The following DDX60 variants were observed in gnomAD, a reference collection of about 807,000 sequenced individuals.
The protein encoded by DDX60 is DExD/H-box helicase 60.
In DDX60, 165 loss-of-function variants were observed where a neutral mutation model predicts 212.8. That is an observed-to-expected ratio of 0.78 (90% CI 0.68 to 0.88). The LOEUF (loss-of-function observed/expected upper bound fraction) is 0.88. Ranked by LOEUF, DDX60 falls within the 40% of genes least tolerant of loss-of-function variation. DDX60 has a pLI of 0.00. For missense variants in DDX60, 1,905 were observed against 2,003.9 expected, an observed-to-expected ratio of 0.95 and a Z score of 0.94; for synonymous variants, 703 against 685.3, an observed-to-expected ratio of 1.03 and a Z score of -0.40.
upstream of DDX60, among the ~76,000 whole-genome samples, chr4:168,320,960 CA>C (rs1292085224): frequency 8.5e-5 from 13 of 152,136 alleles, no homozygotes; most frequent in African/African-American, 3.1e-4. Flanking sequence ...GAAAGTGTTT[CA>C]GCTAGTGGAC....
chr4:168,285,969 TGAAAGAAAGAAAGAAA>T (rs149956197), intron 10 of DDX60, among the ~76,000 whole-genome samples: 3,994 of 110,942 alleles, frequency 0.036, 123 homozygotes, highest in African/African-American at 0.085. Flanking sequence ...AAGGAAAGAA[TGAAAGAAAGAAAGAAA>T]GAAAGAAAGA....
intron 16 of DDX60, 65 bp downstream of exon 16, chr4:168,275,280 G>A (rs1186234397): frequency 4.3e-6 from 6 of 1,387,520 alleles, no homozygotes; most frequent in African/African-American, 2.9e-5. Context: ...CCACAATAAT[G>A]AGAAACCTCT....
intron 35 of DDX60, among the ~76,000 whole-genome samples, chr4:168,223,475 C>A (rs1278184689): frequency 1.3e-5 from 2 of 151,918 alleles, no homozygotes; most frequent in African/African-American, 4.8e-5. Context: ...AAAAAGTTTT[C>A]CTGACTTGTT....
At chr4:168,305,626 ATATAT>A (rs1362545125) in intron 5 of DDX60, among the ~76,000 whole-genome samples, 5 of 148,744 alleles carry the variant, frequency 3.4e-5, no homozygotes, top group Non-Finnish European at 7.4e-5. Context: ...AATTTCTATT[ATATAT>A]TATATTATTA....
chr4:168,303,302 CAAA>C (rs35768208), intron 5 of DDX60, among the ~76,000 whole-genome samples: 2 of 99,722 alleles, frequency 2.0e-5, no homozygotes. Context: ...ACTCTGTCTC[CAAA>C]AAAAAAAAAA....
At chr4:168,325,310 T>C in the DDX60 span, among the ~76,000 whole-genome samples, 4 of 152,372 alleles carry the variant, frequency 2.6e-5, no homozygotes, top group East Asian at 1.9e-4. Context: ...CCAGCTACAA[T>C]AGGTTTCTAC....
At chr4:168,308,317 G>A (rs952875637) in intron 3 of DDX60, 122 bp from the exon 4 acceptor site, 1 of 617,892 alleles carries the variant, frequency 1.6e-6, no homozygotes, top group Admixed American at 3.3e-5. Flanking sequence ...GTTGTCTCAT[G>A]GCAGTGTCTA....
chr4:168,235,950 A>G, intron 33 of DDX60: 1 of 280,358 alleles, frequency 3.6e-6, no homozygotes, highest in Non-Finnish European at 6.7e-6. Context: ...GTTTCACTTA[A>G]TGTATAATTA....
chr4:168,257,935 T>A (rs1734478821), intron 25 of DDX60, among the ~76,000 whole-genome samples: 1 of 152,202 alleles, frequency 6.6e-6, no homozygotes, highest in African/African-American at 2.4e-5. Flanking sequence ...TGGCATCAAT[T>A]TATCGGTGGA....
At chr4:168,317,119 C>G (rs1737428843) in intron 1 of DDX60, among the ~76,000 whole-genome samples, 1 of 149,602 alleles carries the variant, frequency 6.7e-6, no homozygotes, top group African/African-American at 2.5e-5. Context: ...GATCAAAACG[C>G]TAGTAGTAAT....
chr4:168,286,414 ACAC>A (rs1735853526), intron 10 of DDX60, among the ~76,000 whole-genome samples: 2 of 119,852 alleles, frequency 1.7e-5, no homozygotes, highest in Non-Finnish European at 3.4e-5. Flanking sequence ...ACACACACAC[ACAC>A]CACACGAGAT....
At chr4:168,255,381 CTAAG>C (rs1278274328) in intron 26 of DDX60, among the ~76,000 whole-genome samples, 1 of 152,128 alleles carries the variant, frequency 6.6e-6, no homozygotes, top group Non-Finnish European at 1.5e-5. Flanking sequence ...CTTCTGAGAA[CTAAG>C]TGATAGCCAG....
intron 29 of DDX60, 132 bp from the exon 30 acceptor site, chr4:168,246,750 T>C: frequency 1.1e-6 from 1 of 896,852 alleles, no homozygotes. Context: ...GAACGGACAC[T>C]AACATGCAAC....
the DDX60 span, among the ~76,000 whole-genome samples, chr4:168,324,503 C>A: frequency 6.6e-6 from 1 of 152,064 alleles, no homozygotes; most frequent in Non-Finnish European, 1.5e-5. Flanking sequence ...TTGGAGGGGG[C>A]CCTGTTTAAG....
chr4:168,307,151 T>C (rs560558724), intron 4 of DDX60, among the ~76,000 whole-genome samples: 2 of 152,102 alleles, frequency 1.3e-5, no homozygotes, highest in East Asian at 3.9e-4. Context: ...ATAACAAAAT[T>C]GGGGCAACCA....
At chr4:168,277,585 C>T (rs572091) in intron 14 of DDX60, among the ~76,000 whole-genome samples, 8,588 of 152,042 alleles carry the variant, frequency 0.056, 574 homozygotes, top group African/African-American at 0.16. Context: ...CACCCGTAAT[C>T]CCAGCACTTT....
Position 168,248,061 on chromosome 4 carries a change from C to T in DDX60, c.3963+127G>A, listed in dbSNP as rs966203293. The T allele has an allele frequency of 7.2e-6, 4 of 556,756 alleles. No individual in the cohort carries two copies. In the African/African-American group the frequency reaches 7.9e-5, roughly 11 times the overall value. The allele number at this position is 556,756 out of a possible 1,614,324, so 34.5% of individuals were successfully genotyped here. A position where few individuals can be genotyped will look rare whatever the true frequency, so the allele number is the denominator to read the frequency against. On this transcript the variant is annotated intron_variant, in intron 29 of 37. Transcript: ENST00000393743. The stretch of plus-strand genomic sequence containing the variant: ...ACCACAACTAAAACTGAAAGCCAGG[C>T]AAGGATGAATGTCCAGTTATGCTAC...
At chr4:168,295,586 A>C (rs948710881) in intron 6 of DDX60, among the ~76,000 whole-genome samples, 1 of 152,202 alleles carries the variant, frequency 6.6e-6, no homozygotes, top group Non-Finnish European at 1.5e-5. Flanking sequence ...GTCTCTCTGA[A>C]TCTGCTGTGA....
At chr4:168,270,417 T>C (rs1173032291) in intron 19 of DDX60, among the ~76,000 whole-genome samples, 3 of 152,242 alleles carry the variant, frequency 2.0e-5, no homozygotes, top group South Asian at 2.1e-4. Context: ...CCATCAAATA[T>C]TGACCTTATG....
Sources: gnomAD v4.1 joint callset for allele counts (sites outside exome capture counted in the v4.1 genomes callset) on GRCh38, gnomAD v4.1.1 for gene constraint, MANE v1.5 for transcripts, NCBI Gene and HGNC (gene_info 2026-07-23, HGNC 2026-07-21) for gene names.